TRIML1: variants seen among roughly 807,000 people sequenced by gnomAD.
The protein encoded by TRIML1 is tripartite motif family like 1, also known as probable E3 ubiquitin-protein ligase TRIML1.
Under a neutral mutation model 32.3 loss-of-function variants are expected in TRIML1, and 34 were observed. That is an observed-to-expected ratio of 1.05 (90% confidence interval 0.80 to 1.40). The LOEUF (loss-of-function observed/expected upper bound fraction) is 1.40, where lower values mean the gene tolerates loss of function less well. Among genes scored for constraint, TRIML1 ranks in the 40% most tolerant of loss-of-function variants. The pLI is 0.00. For missense variants in TRIML1, 595 were observed against 574.9 expected, an observed-to-expected ratio of 1.03 and a Z score of -0.36; for synonymous variants, 244 against 226.6, an observed-to-expected ratio of 1.08 and a Z score of -0.69.
rs1225436097 is a variant in TRIML1, at chr4:188,139,660, C to G, written c.102C>G (p.Ser34Arg). The G allele has an allele frequency of 2.5e-6, 4 of 1,614,028 alleles. No homozygotes were observed. In the Admixed American group the frequency reaches 6.7e-5, roughly 27 times the overall value. Residue 34 changes from serine to arginine, a missense_variant, in exon 1 of 6, where the codon AGC becomes AGG. Transcript: ENST00000332517. The stretch of plus-strand genomic sequence containing the variant: ...CAGTGACCACCGAGTGTGGGCACAG[C>G]TTTTGTCTGGTGTGTCTCCTCAGGA... ...SSPVTTECGH[S>R]FCLVCLLRSW...
At position 188,140,609 on chromosome 4, in the gene TRIML1, G is replaced by A; in HGVS notation, c.490G>A (p.Val164Met). ...TGTACTAACCCATGAGAAGGAGAGA[G>A]TGAAACTGTGCCAGGTCGGTGTCTG... Reference protein sequence around the residue: ...QAVLTHEKERVKLCQEETKTC... With the variant: ...QAVLTHEKERMKLCQEETKTC... Residue 164 changes from valine to methionine, a missense_variant, in exon 2 of 6, where the codon GTG becomes ATG. Transcript: ENST00000332517. The A allele has an allele frequency of 6.2e-7, 1 of 1,613,280 alleles. No homozygotes were observed. Among genetic ancestry groups the A allele is most frequent in the South Asian group, 1.1e-5 (1 of 91,066 alleles).
At chr4:188,142,601 T>G in intron 3 of TRIML1, 119 bp downstream of exon 3, 1 of 776,128 alleles carries the variant, frequency 1.3e-6, no homozygotes, top group Non-Finnish European at 2.0e-6. Flanking sequence ...CCAAAAGTAG[T>G]TTTCCTAAAG....
In TRIML1 at chr4:188,143,865, G is replaced by C. The variant is rs773959311; in HGVS notation, c.758+5G>C. On this transcript the variant is annotated splice_donor_5th_base_variant and intron_variant, in intron 4 of 5. Transcript: ENST00000332517. Reference sequence around the variant, plus strand: ...AGTGAGAGGAGCCCTGGAAAGGTAGGCTTTCATTCTGTGTTCAGTTATGCA... The same window carrying C: ...AGTGAGAGGAGCCCTGGAAAGGTAGCCTTTCATTCTGTGTTCAGTTATGCA... 3.7e-6 allele frequency: 6 copies of C among 1,614,054 alleles called. No individual in the cohort carries two copies. The African/African-American group carries it at 8.0e-5, about 22-fold the overall frequency.
chr4:188,142,838 A>C (rs1734915122), intron 3 of TRIML1: 1 of 104,116 alleles, frequency 9.6e-6, no homozygotes, highest in African/African-American at 3.5e-5. Flanking sequence ...GACCTGATGA[A>C]GATAAGTACC....
chr4:188,144,584 G>C (rs112173295), intron 5 of TRIML1, among the ~76,000 whole-genome samples: 3,549 of 125,488 alleles, frequency 0.028, 118 homozygotes, highest in Middle Eastern at 0.073. Context: ...GGATGGTCTC[G>C]ATCTCCTGAC....
In TRIML1 at chr4:188,143,861, G is replaced by T. The variant is rs777354025; in HGVS notation, c.758+1G>T. On this transcript the variant is annotated splice_donor_variant, in intron 4 of 5. Coordinates refer to ENST00000332517, the MANE Select transcript of TRIML1 (RefSeq NM_178556.5). LOFTEE classifies it high-confidence loss of function. ...AGGAAGTGAGAGGAGCCCTGGAAAG[G>T]TAGGCTTTCATTCTGTGTTCAGTTA... The T allele has an allele frequency of 8.7e-6, 14 of 1,614,048 alleles. No homozygotes were observed. Among genetic ancestry groups the T allele is most frequent in the Non-Finnish European group, 1.1e-5 (13 of 1,180,028 alleles).
At chr4:188,144,262 C>G in intron 5 of TRIML1, 129 bp downstream of exon 5, 1 of 768,626 alleles carries the variant, frequency 1.3e-6, no homozygotes, top group Non-Finnish European at 2.1e-6. Flanking sequence ...GCACGGAACA[C>G]CAGGGAGGGC....
At chr4:188,149,059 G>A (rs527484799), downstream of TRIML1, among the ~76,000 whole-genome samples, 12 of 151,326 alleles carry the variant, frequency 7.9e-5, no homozygotes, top group African/African-American at 2.7e-4. Context: ...GACTAAAGGC[G>A]CCCACCACCA....
At chr4:188,139,315 G>A (rs1734756459), upstream of TRIML1, 4 of 393,824 alleles carry the variant, frequency 1.0e-5, no homozygotes, top group Middle Eastern at 1.3e-3. Context: ...ACAGAGATAA[G>A]TCTCAAAGTT....
At chr4:188,140,436 G>A (rs1734809957) in intron 1 of TRIML1, 92 bp from the exon 2 acceptor site, 1 of 1,003,946 alleles carries the variant, frequency 1.0e-6, no homozygotes, top group East Asian at 2.4e-5. Flanking sequence ...CTTTGTTTTA[G>A]AGGCCTAGGA....
intron 2 of TRIML1, chr4:188,140,839 T>C: frequency 4.2e-6 from 2 of 473,250 alleles, no homozygotes; most frequent in Non-Finnish European, 3.8e-6. Context: ...CTCCTTTGCA[T>C]AACTAGACAA....
Position 188,143,869 on chromosome 4 carries a change from T to TC in TRIML1, c.758+10dup. The TC allele has an allele frequency of 6.2e-7, 1 of 1,614,192 alleles. No homozygotes were observed. Among genetic ancestry groups the TC allele is most frequent in the Non-Finnish European group, 8.5e-7 (1 of 1,180,020 alleles). ...AGAGGAGCCCTGGAAAGGTAGGCTTTCATTCTGTGTTCAGTTATGCAAGCT... is the reference window on the plus strand; with the variant it reads ...AGAGGAGCCCTGGAAAGGTAGGCTTTCCATTCTGTGTTCAGTTATGCAAGCT... On this transcript the variant is annotated intron_variant, in intron 4 of 5. Transcript: ENST00000332517.
chr4:188,144,075 C>G lies in TRIML1; in HGVS notation c.798C>G (p.Thr266=), dbSNP rs1218667628. Residue 266 remains threonine, a synonymous_variant, in exon 5 of 6, where the codon ACC becomes ACG. Coordinates refer to ENST00000332517, the MANE Select transcript of TRIML1 (RefSeq NM_178556.5). ...PLLLQCPEAT[T]TELSLCRITG... ...TGCTTCAGTGTCCAGAGGCCACCACCACAGAGCTGAGTCTGTGCCGCATCA... is the reference window on the plus strand; with the variant it reads ...TGCTTCAGTGTCCAGAGGCCACCACGACAGAGCTGAGTCTGTGCCGCATCA... 6.2e-7 allele frequency: 1 copy of G among 1,614,072 alleles called. No individual in the cohort carries two copies. Among genetic ancestry groups the G allele is most frequent in the Non-Finnish European group, 8.5e-7 (1 of 1,180,030 alleles).
chr4:188,149,783 CT>C (rs1735202857), downstream of TRIML1, among the ~76,000 whole-genome samples: 1 of 152,054 alleles, frequency 6.6e-6, no homozygotes, highest in Non-Finnish European at 1.5e-5. Flanking sequence ...CTGTGGCCCA[CT>C]GTGTTTCCTT....
At chr4:188,149,982 T>C (rs780294470), downstream of TRIML1, among the ~76,000 whole-genome samples, 1 of 151,974 alleles carries the variant, frequency 6.6e-6, no homozygotes, top group Non-Finnish European at 1.5e-5. Context: ...AATTTTTCTA[T>C]TTTTATAGAG....
intron 5 of TRIML1, 71 bp downstream of exon 5, chr4:188,144,204 A>T: frequency 7.4e-7 from 1 of 1,343,682 alleles, no homozygotes; most frequent in African/African-American, 1.4e-5. Context: ...TTCCAGTGTC[A>T]GACATTCACG....
At chr4:188,148,125 GC>G (rs1735155621), downstream of TRIML1, among the ~76,000 whole-genome samples, 1 of 152,112 alleles carries the variant, frequency 6.6e-6, no homozygotes, top group African/African-American at 2.4e-5. Context: ...TCTTTTCGGT[GC>G]TTTTGTGGTT....
intron 3 of TRIML1, among the ~76,000 whole-genome samples, 189 bp downstream of exon 3, chr4:188,142,671 ACAC>A (rs1560971669): frequency 6.6e-5 from 10 of 150,990 alleles, no homozygotes; most frequent in Admixed American, 6.6e-5. Context: ...AAAAAAAAAA[ACAC>A]ATCCAGAGGA....
At chr4:188,145,220 T>C (rs1266252059) in intron 5 of TRIML1, among the ~76,000 whole-genome samples, 2 of 150,736 alleles carry the variant, frequency 1.3e-5, no homozygotes, top group East Asian at 2.0e-4. Context: ...GGCAGATCAC[T>C]TGGGGTCAGG....
Sources: gnomAD v4.1 joint callset for allele counts (sites outside exome capture counted in the v4.1 genomes callset) on GRCh38, gnomAD v4.1.1 for gene constraint, MANE v1.5 for transcripts, NCBI Gene and HGNC (gene_info 2026-07-23, HGNC 2026-07-21) for gene names.